The following PTDSS2 variants were observed in gnomAD, a reference collection of about 807,000 sequenced individuals.
The protein encoded by PTDSS2 is phosphatidylserine synthase 2, also known as PSS-2.
PTDSS2 carries 41 observed loss-of-function variants against 64.7 expected under a neutral mutation model. The ratio of observed to expected loss-of-function variants is 0.63; its 90% CI spans 0.49 to 0.82. PTDSS2 has a LOEUF of 0.82. Among genes scored for constraint, PTDSS2 ranks in the 40% least tolerant of loss-of-function variants. PTDSS2 has a pLI of 0.00. For synonymous variants in PTDSS2, 297 were observed against 277.8 expected, an observed-to-expected ratio of 1.07 and a Z score of -0.69; for missense variants, 485 against 650.0, an observed-to-expected ratio of 0.75 and a Z score of 2.76.
At position 455,681 on chromosome 11, in the gene PTDSS2, G is replaced by C. The variant is rs1034520041; in HGVS notation, c.183-4506G>C. On this transcript the variant is annotated intron_variant, in intron 1 of 11. Coordinates refer to ENST00000308020, the MANE Select transcript of PTDSS2 (RefSeq NM_030783.3). ...TGCTTGCTCCTCGCGCTCCCTTCTT[G>C]CTATGGTCTCCGGAGATGCCTCCCA... 2.0e-5 allele frequency among the ~76,000 whole-genome samples: 3 copies of C among 152,254 alleles called. No individual in the cohort carries two copies. The East Asian group carries it at 5.8e-4, about 29-fold the overall frequency.
At position 470,730 on chromosome 11, in the gene PTDSS2, C is replaced by T. The variant is rs1314035624; in HGVS notation, c.285-3165C>T. Among the ~76,000 whole-genome samples, 1 of 151,964 alleles carries T rather than the reference C, an allele frequency of 6.6e-6. No homozygotes were observed. Among genetic ancestry groups the T allele is most frequent in the Non-Finnish European group, 1.5e-5 (1 of 68,000 alleles). On this transcript the variant is annotated intron_variant, in intron 2 of 11. Coordinates refer to ENST00000308020, the MANE Select transcript of PTDSS2 (RefSeq NM_030783.3). The surrounding 1 kb of genome is among the most constrained non-coding windows in gnomAD (Gnocchi z 5.3). ...TCAGCCTCCCGAGTAGCTGGGATTA[C>T]AGGTGCCTGCCACCACATCTGGCTA...
At chr11:452,543 C>T (rs1182487518) in intron 1 of PTDSS2, among the ~76,000 whole-genome samples, 3 of 152,226 alleles carry the variant, frequency 2.0e-5, no homozygotes, top group Non-Finnish European at 2.9e-5. Context: ...GTCAGGAGGC[C>T]AAGGGGGTCA....
chr11:457,922 G>A (rs550804982), intron 1 of PTDSS2, among the ~76,000 whole-genome samples: 46 of 152,234 alleles, frequency 3.0e-4, no homozygotes, highest in Non-Finnish European at 6.0e-4. Context: ...TCTGCATTGT[G>A]ATGTTCTTAA....
At chr11:478,032 GA>G (rs756274057) in intron 3 of PTDSS2, among the ~76,000 whole-genome samples, 2 of 152,284 alleles carry the variant, frequency 1.3e-5, no homozygotes, top group South Asian at 2.1e-4. Context: ...CGTTTAGTCC[GA>G]AAACCTCACG....
intron 4 of PTDSS2, chr11:480,710 C>T (rs541992654): frequency 1.6e-4 from 24 of 152,606 alleles, no homozygotes; most frequent in Non-Finnish European, 2.5e-4. Context: ...AGGCACCTGC[C>T]ACCATGCGCC....
chr11:463,374 C>G (rs1203307553), intron 2 of PTDSS2: 1 of 150,540 alleles, frequency 6.6e-6, no homozygotes, highest in African/African-American at 2.4e-5. Context: ...AATACAGGGC[C>G]CACCACCATG....
chr11:475,194 G>GCGGAC (rs1847709029), intron 3 of PTDSS2, among the ~76,000 whole-genome samples: 1 of 137,008 alleles, frequency 7.3e-6, no homozygotes, highest in African/African-American at 2.8e-5. Flanking sequence ...ACGCGTTTAT[G>GCGGAC]ATATGGACAT....
chr11:450,730 C>T, intron 1 of PTDSS2, 93 bp downstream of exon 1: 1 of 1,104,314 alleles, frequency 9.1e-7, no homozygotes, highest in Non-Finnish European at 1.2e-6. Context: ...AGCGCCCTCT[C>T]GCCGTCTTGG....
chr11:467,380 ACT>A (rs1306199654), intron 2 of PTDSS2, among the ~76,000 whole-genome samples: 2 of 152,158 alleles, frequency 1.3e-5, no homozygotes, highest in Non-Finnish European at 2.9e-5. Flanking sequence ...GCTTCCAGGA[ACT>A]CTCACCCATT....
chr11:474,681 T>C (rs1460050781), intron 3 of PTDSS2, among the ~76,000 whole-genome samples: 1 of 152,184 alleles, frequency 6.6e-6, no homozygotes, highest in African/African-American at 2.4e-5. Context: ...TTCTGTAGGG[T>C]CGGTTGTTTC....
chr11:476,561 C>T lies in PTDSS2; in HGVS notation c.368-2524C>T, dbSNP rs1335871926. ...GGGACGCAGCCGTGAGTGGGACAGACTGGTCAGCAGGCAGCAGCTTGTCCT... is the reference window on the plus strand; with the variant it reads ...GGGACGCAGCCGTGAGTGGGACAGATTGGTCAGCAGGCAGCAGCTTGTCCT... On this transcript the variant is annotated intron_variant, in intron 3 of 11. Coordinates refer to ENST00000308020, the MANE Select transcript of PTDSS2 (RefSeq NM_030783.3). This position sits in a 1 kb window ranked among gnomAD's most constrained non-coding sequence, Gnocchi z 4.9. Among the ~76,000 whole-genome samples, 4 of 152,130 alleles carry T rather than the reference C, an allele frequency of 2.6e-5. No individual in the cohort carries two copies. Among genetic ancestry groups the T allele is most frequent in the African/African-American group, 4.8e-5 (2 of 41,428 alleles).
rs1848681918 is a variant in PTDSS2 at position 491,368 on chromosome 11, A to G, written c.*786A>G. ...AGCAAAGAGAACCAATAAAGTGACA[A>G]CGAACGTCTGAGGCTTCCAGCCCTC... On this transcript the variant is annotated 3_prime_UTR_variant, in exon 12 of 12. Coordinates refer to ENST00000308020, the MANE Select transcript of PTDSS2 (RefSeq NM_030783.3). The G allele has an allele frequency of 6.6e-6, 1 of 152,408 alleles. No homozygotes were observed. The highest frequency in any genetic ancestry group is 2.4e-5 in the African/African-American group (1 of 41,462). The allele number at this position is 152,408 out of a possible 1,614,324, so 9.4% of individuals were successfully genotyped here. A position where few individuals can be genotyped will look rare whatever the true frequency, so the allele number is the denominator to read the frequency against.
chr11:464,685 G>A (rs763255613), intron 2 of PTDSS2, among the ~76,000 whole-genome samples: 45 of 152,210 alleles, frequency 3.0e-4, no homozygotes, highest in Admixed American at 6.5e-4. Flanking sequence ...ACACGGCACC[G>A]TTCACTGATC....
intron 3 of PTDSS2, among the ~76,000 whole-genome samples, chr11:477,145 T>G (rs940158234): frequency 9.9e-5 from 15 of 152,200 alleles, no homozygotes; most frequent in African/African-American, 3.6e-4. Context: ...CATTAGTGAC[T>G]GGGCCTCATG....
rs1241138015 is a variant in PTDSS2, at chr11:462,068, T to C, written c.284+1780T>C. ...CCTCAAGTGTCCCACATGGCAAGAA[T>C]TGTCAAGAGCAGGAGTGCAGGGGGT... On this transcript the variant is annotated intron_variant, in intron 2 of 11. Coordinates refer to ENST00000308020, the MANE Select transcript of PTDSS2 (RefSeq NM_030783.3). This position sits in a 1 kb window ranked among gnomAD's most constrained non-coding sequence, Gnocchi z 4.5. 1.6e-4 allele frequency among the ~76,000 whole-genome samples: 25 copies of C among 152,056 alleles called. No homozygotes were observed. The highest frequency in any genetic ancestry group is 2.4e-5 in the African/African-American group (1 of 41,414).
upstream of PTDSS2, chr11:448,445 A>G (rs940035294): frequency 3.9e-5 from 6 of 152,270 alleles, no homozygotes; most frequent in African/African-American, 1.4e-4. Context: ...TGGGATGGGA[A>G]GAGGTCTGGG....
At chr11:488,397 C>T (rs1848503476) in intron 7 of PTDSS2, 85 bp downstream of exon 7, 8 of 1,348,150 alleles carry the variant, frequency 5.9e-6, no homozygotes, top group African/African-American at 2.9e-5. Context: ...GCCCCTGGAC[C>T]CCCTCATTCT....
rs1472214134 is a variant in PTDSS2 at position 470,650 on chromosome 11, C to T, written c.285-3245C>T. Among the ~76,000 whole-genome samples the T allele has an allele frequency of 1.3e-5, 2 of 152,046 alleles. No individual in the cohort carries two copies. Among genetic ancestry groups the T allele is most frequent in the African/African-American group, 2.4e-5 (1 of 41,372 alleles). ...TGTCACCCAGGCTGGAGTGTAGTGG[C>T]GTGATCTCGGCTCACTGCAACCTCC... On this transcript the variant is annotated intron_variant, in intron 2 of 11. Transcript: ENST00000308020. The surrounding 1 kb of genome is among the most constrained non-coding windows in gnomAD (Gnocchi z 5.3).
chr11:451,089 C>G (rs1330950382), intron 1 of PTDSS2, among the ~76,000 whole-genome samples: 1 of 152,246 alleles, frequency 6.6e-6, no homozygotes, highest in African/African-American at 2.4e-5. Flanking sequence ...TGCACGAAAT[C>G]ATCTTGTGTG....
Sources: gnomAD v4.1 joint callset for allele counts (sites outside exome capture counted in the v4.1 genomes callset) on GRCh38, gnomAD v4.1.1 for gene constraint, Gnocchi (gnomAD v3.1) non-coding constraint, MANE v1.5 for transcripts, NCBI Gene and HGNC (gene_info 2026-07-23, HGNC 2026-07-21) for gene names.